The following SLC35G1 variants were observed in gnomAD, a reference collection of about 807,000 sequenced individuals.
The protein encoded by SLC35G1 is solute carrier family 35 member G1, also known as partner of STIM1.
In SLC35G1, 10 loss-of-function variants were observed where a neutral mutation model predicts 17.1. The ratio of observed to expected loss-of-function variants is 0.59; its 90% CI spans 0.36 to 0.99. The LOEUF is 0.99. SLC35G1 is among the 50% of genes least tolerant of loss of function. The pLI is 0.01. For synonymous variants in SLC35G1, 185 were observed against 181.1 expected, an observed-to-expected ratio of 1.02 and a Z score of -0.18; for missense variants, 433 against 468.4, an observed-to-expected ratio of 0.92 and a Z score of 0.70.
downstream of SLC35G1, among the ~76,000 whole-genome samples, chr10:93,904,119 C>A (rs143842965): frequency 6.6e-6 from 1 of 152,090 alleles, no homozygotes; most frequent in Non-Finnish European, 1.5e-5. Context: ...GTAGCTAATC[C>A]GTTACTAAAT....
rs1160797703 is a variant in SLC35G1, at chr10:93,902,387, TC to T, written c.*901del. ...ACTAGAAATGTGATTTTCTATAAATTCCCCTTGAATTTATAGTGTGATGCCA... is the reference window on the plus strand; with the variant it reads ...ACTAGAAATGTGATTTTCTATAAATTCCCTTGAATTTATAGTGTGATGCCA... On this transcript the variant is annotated 3_prime_UTR_variant, in exon 3 of 3. Coordinates refer to ENST00000427197, the MANE Select transcript of SLC35G1 (RefSeq NM_001134658.3). 1 of 152,542 alleles carries T rather than the reference TC, an allele frequency of 6.6e-6. No homozygotes were observed. The highest frequency in any genetic ancestry group is 2.4e-5 in the African/African-American group (1 of 41,406). 9.4% of individuals were successfully genotyped at this position (152,542 alleles called of 1,614,324 possible).
intron 1 of SLC35G1, among the ~76,000 whole-genome samples, chr10:93,894,651 T>G (rs1356735456): frequency 2.0e-5 from 3 of 152,038 alleles, no homozygotes; most frequent in Non-Finnish European, 1.5e-5. Context: ...GCATCGAGTC[T>G]AGAAAAAATG....
chr10:93,901,202 C>G lies in SLC35G1; in HGVS notation c.810C>G (p.Leu270=). The G allele has an allele frequency of 6.2e-7, 1 of 1,614,104 alleles. No homozygotes were observed. Among genetic ancestry groups the G allele is most frequent in the Non-Finnish European group, 8.5e-7 (1 of 1,179,978 alleles). Residue 270 remains leucine (L), a synonymous_variant, in exon 3 of 3, where the codon CTC becomes CTG. Coordinates refer to ENST00000427197, the MANE Select transcript of SLC35G1 (RefSeq NM_001134658.3). ...VLGLVESVII[L]SVLGEWSLPY... is the part of the protein sequence containing the mutation. ...GCCTCGTTGAAAGTGTCATCATCCT[C>G]TCTGTATTAGGAGAGTGGAGTCTGC...
chr10:93,898,306 A>G (rs1039356857), intron 1 of SLC35G1, among the ~76,000 whole-genome samples: 2 of 152,174 alleles, frequency 1.3e-5, no homozygotes, highest in African/African-American at 4.8e-5. Flanking sequence ...TTGACTTGTA[A>G]GTGAGGATGA....
At chr10:93,906,571 G>A (rs2060430546), downstream of SLC35G1, among the ~76,000 whole-genome samples, 1 of 152,104 alleles carries the variant, frequency 6.6e-6, no homozygotes, top group South Asian at 2.1e-4. Context: ...CGATAAAATT[G>A]TCTTGGATAT....
At chr10:93,897,011 T>G (rs2060336502) in intron 1 of SLC35G1, among the ~76,000 whole-genome samples, 1 of 152,170 alleles carries the variant, frequency 6.6e-6, no homozygotes, top group South Asian at 2.1e-4. Flanking sequence ...AAGGCATGTA[T>G]TTTGTGGTGC....
intron 1 of SLC35G1, among the ~76,000 whole-genome samples, chr10:93,896,708 G>A (rs1281536984): frequency 1.3e-5 from 2 of 152,140 alleles, no homozygotes; most frequent in East Asian, 1.9e-4. Context: ...AAATACATGT[G>A]TATGTGTTTT....
chr10:93,905,565 T>G (rs78690104), downstream of SLC35G1, among the ~76,000 whole-genome samples: 3,556 of 152,256 alleles, frequency 0.023, 71 homozygotes, highest in Non-Finnish European at 0.039. Context: ...TTGGCACTTC[T>G]CATCTCCTGG....
In SLC35G1 at chr10:93,900,993, G is replaced by T; in HGVS notation, c.601G>T (p.Val201Leu). 2 of 1,613,998 alleles carry T rather than the reference G, an allele frequency of 1.2e-6. No homozygotes were observed. Among genetic ancestry groups the T allele is most frequent in the Admixed American group, 1.7e-5 (1 of 59,986 alleles). ...CACAATCACTGGAGTGATCCTTATC[G>T]TGAGACCACCATTTTTGTTTGGTTC... is the stretch of plus-strand genomic sequence containing the variant. ...VFTITGVILI[V>L]RPPFLFGSDT... The change falls in exon 3 of 3, where the codon GTG becomes TTG. Residue 201 changes from valine to leucine, a missense_variant. By Grantham distance (32) the Val-to-Leu change is conservative. Transcript: ENST00000427197.
Position 93,903,512 on chromosome 10 carries a change from C to A in SLC35G1, c.*2022C>A, listed in dbSNP as rs1281900886. 1 of 152,152 alleles carries A rather than the reference C, an allele frequency of 6.6e-6. No individual in the cohort carries two copies. The highest frequency in any genetic ancestry group is 1.5e-5 in the Non-Finnish European group (1 of 68,034). The allele number at this position is 152,152 out of a possible 1,614,324, so 9.4% of individuals were successfully genotyped here. ...AACCCTCTTCCAGTTCTTTACCTTG[C>A]ACAGTGAAAGAATCAGTGGCACCTA... On this transcript the variant is annotated 3_prime_UTR_variant, in exon 3 of 3. Transcript: ENST00000427197.
At chr10:93,894,274 G>C in intron 1 of SLC35G1, 63 bp downstream of exon 1, 25 of 1,295,998 alleles carry the variant, frequency 1.9e-5, no homozygotes, top group Non-Finnish European at 2.4e-5. Flanking sequence ...GCGCCGGCGG[G>C]TTGGGGTCCC....
intron 1 of SLC35G1, 143 bp from the exon 2 acceptor site, chr10:93,898,428 G>GTACA (rs1397022551): frequency 1.5e-6 from 1 of 688,996 alleles, no homozygotes; most frequent in Non-Finnish European, 2.4e-6. Context: ...GGGGAAAATG[G>GTACA]TACAGGCCCA....
Position 93,901,129 on chromosome 10 carries a change from G to T in SLC35G1, c.737G>T (p.Gly246Val), listed in dbSNP as rs1310250774. The stretch of plus-strand genomic sequence containing the variant: ...ACTCTAGTTATCCTAAGAAAAATGG[G>T]AAAATCTGTGGACTACTTTCTGAGC... Reference protein sequence around the residue: ...ASTLVILRKMGKSVDYFLSIW... With the variant: ...ASTLVILRKMVKSVDYFLSIW... The change falls in exon 3 of 3, where the codon GGA (glycine) becomes GTA (valine). Residue 246 changes from glycine (G) to valine (V), a missense_variant. Transcript: ENST00000427197. The T allele has an allele frequency of 6.2e-7, 1 of 1,614,072 alleles. No individual in the cohort carries two copies. The highest frequency in any genetic ancestry group is 8.5e-7 in the Non-Finnish European group (1 of 1,179,952).
rs1272496614 is a variant in SLC35G1 at position 93,900,918 on chromosome 10, A to G, written c.526A>G (p.Ile176Val). The change falls in exon 3 of 3, where the codon ATA becomes GTA. Residue 176 changes from isoleucine to valine, a missense_variant. Transcript: ENST00000427197. The stretch of plus-strand genomic sequence containing the variant: ...AGTGTTTACGTCCATATTTGCTTGG[A>G]TATGTCTCAAGGAAAAATATAGCCC... ...SPVFTSIFAW[I>V]CLKEKYSPWD... 6.2e-7 allele frequency: 1 copy of G among 1,614,034 alleles called. No individual in the cohort carries two copies. Among genetic ancestry groups the G allele is most frequent in the Admixed American group, 1.7e-5 (1 of 59,996 alleles).
In SLC35G1 at chr10:93,894,152, C is replaced by T. The variant is rs764616803; in HGVS notation, c.119C>T (p.Pro40Leu). The change falls in exon 1 of 3, where the codon CCA (proline) becomes CTA (leucine). Residue 40 changes from proline (P) to leucine (L), a missense_variant. Pro to Leu is a moderately conservative substitution (Grantham distance 98, BLOSUM62 -3). Coordinates refer to ENST00000427197, the MANE Select transcript of SLC35G1 (RefSeq NM_001134658.3). The part of the protein sequence containing the change: ...EPAAAEAAGA[P>L]DRGRCWLCLS... ...GCGGCCGCCGAGGCAGCTGGGGCGC[C>T]AGACCGCGGTAGGTGCTGGCTCTGC... 6.7e-7 allele frequency: 1 copy of T among 1,482,704 alleles called. No individual in the cohort carries two copies. The highest frequency in any genetic ancestry group is 1.3e-5 in the South Asian group (1 of 78,398). The allele number at this position is 1,482,704 out of a possible 1,614,324, so 91.8% of individuals were successfully genotyped here. A position where few individuals can be genotyped will look rare whatever the true frequency, so the allele number is the denominator to read the frequency against.
downstream of SLC35G1, among the ~76,000 whole-genome samples, chr10:93,904,841 T>G (rs1226760079): frequency 1.3e-5 from 2 of 152,186 alleles, no homozygotes; most frequent in Admixed American, 1.3e-4. Context: ...ACTGTAGAAT[T>G]GAGTATTCAC....
chr10:93,909,118 C>T (rs2060444055), exon 3 of SLC35G1: 1 of 152,232 alleles, frequency 6.6e-6, no homozygotes, highest in Admixed American at 6.5e-5. Flanking sequence ...AACCACCATA[C>T]TTTACTGTAT....
intron 2 of SLC35G1, 73 bp downstream of exon 2, chr10:93,898,824 C>A (rs2060355851): frequency 7.1e-7 from 1 of 1,403,410 alleles, no homozygotes; most frequent in African/African-American, 1.4e-5. Context: ...CCTATAATTA[C>A]TCTATCTGCT....
chr10:93,907,888 T>C (rs1291113623), downstream of SLC35G1: 1 of 151,874 alleles, frequency 6.6e-6, no homozygotes, highest in African/African-American at 2.4e-5. Context: ...AGAAAAGGAG[T>C]AAAAGACATA....
Sources: gnomAD v4.1 joint callset for allele counts (sites outside exome capture counted in the v4.1 genomes callset) on GRCh38, gnomAD v4.1.1 for gene constraint, MANE v1.5 for transcripts, NCBI Gene and HGNC (gene_info 2026-07-23, HGNC 2026-07-21) for gene names.